The following SENP5 variants were observed in gnomAD, a reference collection of about 807,000 sequenced individuals.
SENP5 encodes SUMO specific peptidase 5, also known as sentrin-specific protease 5.
A neutral mutation model predicts 74.2 loss-of-function variants in SENP5; 21 were observed. The observed-to-expected ratio is 0.28, with a 90% CI of 0.20 to 0.41. The LOEUF (loss-of-function observed/expected upper bound fraction) is 0.41. Ranked by LOEUF, SENP5 falls within the 10% of genes least tolerant of loss-of-function variation. SENP5 has a pLI of 1.00. For synonymous variants in SENP5, 311 were observed against 312.7 expected, an observed-to-expected ratio of 0.99 and a Z score of 0.06; for missense variants, 717 against 889.1, an observed-to-expected ratio of 0.81 and a Z score of 2.46.
At chr3:196,904,054 T>A (rs1022149493) in intron 6 of SENP5, among the ~76,000 whole-genome samples, 2 of 152,266 alleles carry the variant, frequency 1.3e-5, no homozygotes, top group Non-Finnish European at 2.9e-5. Flanking sequence ...GAGAAATAAC[T>A]TTTATATCAC....
chr3:196,927,130 T>A (rs1404266352), intron 7 of SENP5, among the ~76,000 whole-genome samples: 1 of 152,222 alleles, frequency 6.6e-6, no homozygotes, highest in Non-Finnish European at 1.5e-5. Flanking sequence ...AATTTTAGTA[T>A]TACTTTCCAG....
In SENP5 at chr3:196,899,985, C is replaced by T. The variant is rs750021901; in HGVS notation, c.1681C>T (p.Arg561Cys). ...YRARHQKCNF[R>C]IFYNKHMLDM... ...GGCCAGACATCAAAAATGTAACTTC[C>T]GTATCTTCTATAATAAACACATGCT... Residue 561 changes from arginine (R) to cysteine (C), a missense_variant, in exon 4 of 10, where the codon CGT becomes TGT. Arg to Cys is a radical substitution (Grantham distance 180). This residue lies in a region of SENP5 where 64 missense variants were observed against 100.8 expected (regional missense o/e 0.64). Transcript: ENST00000323460. The T allele has an allele frequency of 1.2e-6, 2 of 1,614,036 alleles. No homozygotes were observed. The highest frequency in any genetic ancestry group is 1.1e-5 in the South Asian group (1 of 91,074).
At chr3:196,925,184 G>A (rs1431469667) in intron 7 of SENP5, among the ~76,000 whole-genome samples, 1 of 151,514 alleles carries the variant, frequency 6.6e-6, no homozygotes, top group Non-Finnish European at 1.5e-5. Context: ...TTTTTACAAG[G>A]AGAATATTTT....
intron 1 of SENP5, among the ~76,000 whole-genome samples, chr3:196,873,138 A>G (rs890157527): frequency 4.2e-5 from 6 of 143,306 alleles, no homozygotes; most frequent in Non-Finnish European, 6.0e-5. Flanking sequence ...CAGTGGCGTG[A>G]ACTTGGCTCA....
intron 1 of SENP5, among the ~76,000 whole-genome samples, chr3:196,884,595 A>G (rs1162026523): frequency 6.6e-6 from 1 of 152,132 alleles, no homozygotes; most frequent in African/African-American, 2.4e-5. Context: ...CTCTGGGGAA[A>G]AAAATGGAGG....
chr3:196,882,779 C>T (rs141752142), intron 1 of SENP5, among the ~76,000 whole-genome samples: 3,774 of 152,286 alleles, frequency 0.025, 156 homozygotes, highest in African/African-American at 0.086. Context: ...ATTGGGATTA[C>T]AGGCGTGAGC....
chr3:196,878,544 A>G (rs1299017145), intron 1 of SENP5, among the ~76,000 whole-genome samples: 2 of 152,072 alleles, frequency 1.3e-5, no homozygotes, highest in African/African-American at 2.4e-5. Context: ...GCCTCTTTCA[A>G]GTCTTTGAGG....
chr3:196,925,804 C>T (rs1008817411), intron 7 of SENP5, among the ~76,000 whole-genome samples: 1 of 152,170 alleles, frequency 6.6e-6, no homozygotes, highest in Non-Finnish European at 1.5e-5. Flanking sequence ...CTTACCTTTT[C>T]AGCAAAATTA....
chr3:196,884,838 G>C (rs975227556), intron 1 of SENP5, among the ~76,000 whole-genome samples: 1 of 152,034 alleles, frequency 6.6e-6, no homozygotes, highest in African/African-American at 2.4e-5. Context: ...AGCAATCCTT[G>C]CACCTTGGCT....
rs71161976 is a variant in SENP5 at position 196,933,020 on chromosome 3, GT to G, written c.*2112del. ...ACTAAATGTTGAGTTTGGGTTTTTT[GT>G]TTTTTTTTTTTTTTGAGTCAGAGTC... On this transcript the variant is annotated 3_prime_UTR_variant, in exon 10 of 10. Transcript: ENST00000323460. The G allele has an allele frequency of 2.8e-4, 34 of 121,114 alleles. No individual in the cohort carries two copies. Among genetic ancestry groups the G allele is most frequent in the Non-Finnish European group, 3.6e-4 (22 of 61,640 alleles). 7.5% of individuals were successfully genotyped at this position (121,114 alleles called of 1,614,324 possible). A position where few individuals can be genotyped will look rare whatever the true frequency, so the allele number is the denominator to read the frequency against.
At chr3:196,925,668 T>A (rs1053950694) in intron 7 of SENP5, among the ~76,000 whole-genome samples, 7 of 152,200 alleles carry the variant, frequency 4.6e-5, no homozygotes, top group African/African-American at 1.7e-4. Context: ...TGAATGATGG[T>A]TAAACAGGAT....
intron 5 of SENP5, among the ~76,000 whole-genome samples, chr3:196,901,957 C>T (rs1020937799): frequency 6.6e-6 from 1 of 152,182 alleles, no homozygotes; most frequent in Admixed American, 6.6e-5. Context: ...TTCTGAGACT[C>T]CATCCCACAC....
At chr3:196,910,548 G>A (rs749373896) in intron 6 of SENP5, among the ~76,000 whole-genome samples, 2 of 151,428 alleles carry the variant, frequency 1.3e-5, no homozygotes, top group African/African-American at 2.4e-5. Flanking sequence ...GGGTTTCGCC[G>A]TGTTAGCCAG....
chr3:196,923,052 C>T lies in SENP5; in HGVS notation c.1885-362C>T, dbSNP rs76701356. 2.7e-3 allele frequency among the ~76,000 whole-genome samples: 416 copies of T among 152,196 alleles called. 2 individuals are homozygous for T. Among genetic ancestry groups the T allele is most frequent in the African/African-American group, 9.5e-3 (395 of 41,522 alleles). On this transcript the variant is annotated intron_variant, in intron 6 of 9. Coordinates refer to ENST00000323460, the MANE Select transcript of SENP5 (RefSeq NM_152699.5). Reference sequence around the variant, plus strand: ...ACAGGTGTGAGCCACCGTGCCTGGCCCCTTATACCATTTTCTAATACTATG... The same window carrying T: ...ACAGGTGTGAGCCACCGTGCCTGGCTCCTTATACCATTTTCTAATACTATG...
chr3:196,888,386 G>T (rs183321712), intron 2 of SENP5, among the ~76,000 whole-genome samples: 1 of 151,526 alleles, frequency 6.6e-6, no homozygotes, highest in African/African-American at 2.4e-5. Flanking sequence ...AGTTCAAGAC[G>T]AGGCTGATCA....
chr3:196,872,391 C>G (rs1713255553), intron 1 of SENP5, among the ~76,000 whole-genome samples: 4 of 152,070 alleles, frequency 2.6e-5, no homozygotes. Flanking sequence ...GGTCAGATTC[C>G]CTAAAGAAGA....
intron 1 of SENP5, among the ~76,000 whole-genome samples, chr3:196,869,865 G>A (rs1366471185): frequency 2.9e-5 from 4 of 138,660 alleles, no homozygotes; most frequent in South Asian, 2.3e-4. Context: ...TTTTTGGTAG[G>A]CCATTATGTG....
At position 196,934,048 on chromosome 3, in the gene SENP5, A is replaced by G. The variant is rs141953200; in HGVS notation, c.*3125A>G. 1 of 152,284 alleles carries G rather than the reference A, an allele frequency of 6.6e-6. No homozygotes were observed. The highest frequency in any genetic ancestry group is 1.5e-5 in the Non-Finnish European group (1 of 68,028). The allele number at this position is 152,284 out of a possible 1,614,324, so 9.4% of individuals were successfully genotyped here. On this transcript the variant is annotated 3_prime_UTR_variant, in exon 10 of 10. Coordinates refer to ENST00000323460, the MANE Select transcript of SENP5 (RefSeq NM_152699.5). Reference sequence around the variant, plus strand: ...TTACAGTGGTCTTTCCTTTTATTAAATCTATAGCAGTGAATATAGATTTGA... The same window carrying G: ...TTACAGTGGTCTTTCCTTTTATTAAGTCTATAGCAGTGAATATAGATTTGA...
chr3:196,884,005 TG>T (rs1713839214), intron 1 of SENP5, among the ~76,000 whole-genome samples: 1 of 152,194 alleles, frequency 6.6e-6, no homozygotes, highest in East Asian at 1.9e-4. Context: ...TGTTCTCATG[TG>T]TAAAATGAAG....
Sources: allele counts gnomAD v4.1 joint callset (sites outside exome capture counted in the v4.1 genomes callset), GRCh38; gene constraint gnomAD v4.1.1; regional missense constraint gnomAD v4.1.1; transcripts MANE v1.5; gene names NCBI Gene and HGNC (gene_info 2026-07-23, HGNC 2026-07-21).